Variants in IL1RAP observed in about 807,000 individuals in gnomAD.
IL1RAP encodes the protein interleukin-1 receptor accessory protein.
Under a neutral mutation model 60.7 loss-of-function variants are expected in IL1RAP, and 35 were observed. The observed-to-expected ratio is 0.58, with a 90% CI of 0.44 to 0.76. The LOEUF (loss-of-function observed/expected upper bound fraction) is 0.76, where lower values mean the gene tolerates loss of function less well. Among genes scored for constraint, IL1RAP ranks in the 30% least tolerant of loss-of-function variants. The pLI is 0.00. For synonymous variants in IL1RAP, 268 were observed against 250.9 expected (o/e 1.07, Z -0.64); for missense variants, 572 against 693.9 (o/e 0.82, Z 1.97).
chr3:190,586,229 G>T (rs1728446738), intron 3 of IL1RAP, among the ~76,000 whole-genome samples: 1 of 152,162 alleles, frequency 6.6e-6, no homozygotes, highest in Admixed American at 6.5e-5. Flanking sequence ...TGTTGTGGTT[G>T]TTTGCCTGAC....
chr3:190,579,444 G>C (rs2108674615), intron 3 of IL1RAP, among the ~76,000 whole-genome samples: 1 of 152,194 alleles, frequency 6.6e-6, no homozygotes, highest in South Asian at 2.1e-4. Context: ...GGAAATAGAG[G>C]CCCGGAGAGA....
intron 5 of IL1RAP, among the ~76,000 whole-genome samples, chr3:190,613,945 C>T (rs1309871899): frequency 3.9e-5 from 6 of 152,010 alleles, no homozygotes; most frequent in Admixed American, 3.3e-4. Context: ...TCAACTGACA[C>T]CTTTAATCCT....
In IL1RAP at chr3:190,627,336, C is replaced by A; in HGVS notation, c.789C>A (p.Leu263=). 6.3e-7 allele frequency: 1 copy of A among 1,598,588 alleles called. No individual in the cohort carries two copies. Among genetic ancestry groups the A allele is most frequent in the South Asian group, 1.1e-5 (1 of 88,506 alleles). ...TTTTTTTTTCAGGAGAGGAGCTACT[C>A]ATTCCCTGTACGGTCTATTTTAGTT... ...VYEKEPGEEL[L]IPCTVYFSFL... Residue 263 remains leucine (L), a synonymous_variant, in exon 8 of 12, where the codon CTC becomes CTA. Coordinates refer to ENST00000447382, the MANE Select transcript of IL1RAP (RefSeq NM_002182.4).
intron 1 of IL1RAP, among the ~76,000 whole-genome samples, chr3:190,519,557 G>A (rs1298147005): frequency 6.6e-6 from 1 of 151,878 alleles, no homozygotes; most frequent in Non-Finnish European, 1.5e-5. Flanking sequence ...ACCACACCAT[G>A]AAATTTGGAA....
intron 3 of IL1RAP, among the ~76,000 whole-genome samples, chr3:190,599,653 G>GT (rs922872939): frequency 2.9e-4 from 41 of 139,602 alleles, no homozygotes; most frequent in African/African-American, 8.9e-4. Flanking sequence ...CTCAGATTTT[G>GT]TTTTTTTTCT....
At position 190,649,963 on chromosome 3, in the gene IL1RAP, A is replaced by T. The variant is rs1560246993; in HGVS notation, c.*1258A>T. 2 of 730,568 alleles carry T rather than the reference A, an allele frequency of 2.7e-6. No homozygotes were observed. Among genetic ancestry groups the T allele is most frequent in the Non-Finnish European group, 3.3e-6 (2 of 597,772 alleles). 45.3% of individuals were successfully genotyped at this position (730,568 alleles called of 1,614,324 possible). A position where few individuals can be genotyped will look rare whatever the true frequency, so the allele number is the denominator to read the frequency against. ...ATATATATACACACGTGTATATGAG[A>T]TATATATCTTATATCTCCACAAACA... is the stretch of plus-strand genomic sequence containing the variant. On this transcript the variant is annotated 3_prime_UTR_variant, in exon 12 of 12. Transcript: ENST00000447382.
rs1560211261 is a variant in IL1RAP at position 190,610,277 on chromosome 3, G to GA, written c.537+1102dup. Among the ~76,000 whole-genome samples the GA allele has an allele frequency of 2.6e-5, 4 of 151,978 alleles. No individual in the cohort carries two copies. The South Asian group carries it at 6.2e-4, about 24-fold the overall frequency. On this transcript the variant is annotated intron_variant, in intron 5 of 11. Coordinates refer to ENST00000447382, the MANE Select transcript of IL1RAP (RefSeq NM_002182.4). ...AAATCCTTTTCTATTTTAAAATTCA[G>GA]AAAAAACTACTATTTCCTAAGTGAG...
chr3:190,524,581 T>A (rs147620104), intron 1 of IL1RAP, among the ~76,000 whole-genome samples: 109 of 152,312 alleles, frequency 7.2e-4, no homozygotes, highest in African/African-American at 2.5e-3. Flanking sequence ...ATTTATTGAA[T>A]AGGAAATCCT....
chr3:190,640,017 T>C (rs1370697145), intron 9 of IL1RAP, among the ~76,000 whole-genome samples: 3 of 152,180 alleles, frequency 2.0e-5, no homozygotes, highest in Non-Finnish European at 4.4e-5. Flanking sequence ...CCCCCAAATA[T>C]GTGTAGCTTT....
intron 4 of IL1RAP, among the ~76,000 whole-genome samples, chr3:190,604,970 A>T (rs544502810): frequency 1.3e-5 from 2 of 152,310 alleles, no homozygotes; most frequent in Admixed American, 6.5e-5. Flanking sequence ...GACACTGCAC[A>T]TCTAGCCCCC....
At chr3:190,623,715 G>C (rs975018645) in intron 7 of IL1RAP, among the ~76,000 whole-genome samples, 4 of 152,180 alleles carry the variant, frequency 2.6e-5, no homozygotes, top group African/African-American at 7.2e-5. Flanking sequence ...GCTTTGGTTT[G>C]CCAAGGCTGC....
Position 190,514,580 on chromosome 3 carries a change from C to G in IL1RAP, c.-89+361C>G, listed in dbSNP as rs556682771. 1.1e-4 allele frequency among the ~76,000 whole-genome samples: 16 copies of G among 151,634 alleles called. No homozygotes were observed. The South Asian group carries it at 3.4e-3, about 32-fold the overall frequency. On this transcript the variant is annotated intron_variant, in intron 1 of 11. Coordinates refer to ENST00000447382, the MANE Select transcript of IL1RAP (RefSeq NM_002182.4). ...CATCTCCTCCTTGGTTTCTCCAGAC[C>G]GCTGCTGGAAGCGCCGAGGACAGAA...
intron 3 of IL1RAP, among the ~76,000 whole-genome samples, chr3:190,582,860 A>C (rs900732069): frequency 6.6e-6 from 1 of 152,132 alleles, no homozygotes; most frequent in Non-Finnish European, 1.5e-5. Context: ...CAGCTTCTTC[A>C]TATTCCACTG....
chr3:190,601,124 A>G (rs1729824605), intron 3 of IL1RAP, among the ~76,000 whole-genome samples: 1 of 152,106 alleles, frequency 6.6e-6, no homozygotes, highest in African/African-American at 2.4e-5. Flanking sequence ...AGCTGGAATT[A>G]CAGGCCTCTG....
rs533752329 is a variant in IL1RAP at position 190,644,379 on chromosome 3, A to C, written c.1183A>C (p.Thr395Pro). 5.0e-6 allele frequency: 8 copies of C among 1,613,828 alleles called. No homozygotes were observed. The South Asian group carries it at 8.8e-5, about 18-fold the overall frequency. The change falls in exon 10 of 12, where the codon ACA (threonine) becomes CCA (proline). Residue 395 changes from threonine (T) to proline (P), a missense_variant. Coordinates refer to ENST00000447382, the MANE Select transcript of IL1RAP (RefSeq NM_002182.4). ...CCTATTTTACCGGGCTCATTTTGGA[A>C]CAGATGAAACCATTTTAGGTAAGTA... ...MVLFYRAHFG[T>P]DETILDGKEY...
At chr3:190,643,383 G>A (rs1733796006) in intron 9 of IL1RAP, among the ~76,000 whole-genome samples, 1 of 152,148 alleles carries the variant, frequency 6.6e-6, no homozygotes, top group African/African-American at 2.4e-5. Flanking sequence ...AAAAGCAATG[G>A]TAAATGAGAA....
chr3:190,608,917 A>G (rs568525473), intron 4 of IL1RAP, 78 bp from the exon 5 acceptor site: 1 of 1,115,450 alleles, frequency 9.0e-7, no homozygotes, highest in Non-Finnish European at 1.3e-6. Flanking sequence ...GCCTGGCTTC[A>G]CTTAGTTCAT....
chr3:190,518,617 A>G (rs78003517), intron 1 of IL1RAP: 4,286 of 152,678 alleles, frequency 0.028, 101 homozygotes, highest in Admixed American at 0.059. Context: ...AAAGAGGTTC[A>G]TTGGACTTAT....
At position 190,651,173 on chromosome 3, in the gene IL1RAP, A is replaced by G. The variant is rs13099809; in HGVS notation, c.*2468A>G. The G allele has an allele frequency of 5.1e-6, 5 of 975,034 alleles. No homozygotes were observed. Among genetic ancestry groups the G allele is most frequent in the Non-Finnish European group, 6.1e-6 (5 of 825,512 alleles). 60.4% of individuals were successfully genotyped at this position (975,034 alleles called of 1,614,324 possible). A position where few individuals can be genotyped will look rare whatever the true frequency, so the allele number is the denominator to read the frequency against. ...AACAAACCATGTCTCAAATTTTTTT[A>G]AAAAAAATTAATGGTTTTAAATATA... On this transcript the variant is annotated 3_prime_UTR_variant, in exon 12 of 12. Coordinates refer to ENST00000447382, the MANE Select transcript of IL1RAP (RefSeq NM_002182.4).
Sources: allele counts gnomAD v4.1 joint callset (sites outside exome capture counted in the v4.1 genomes callset), GRCh38; gene constraint gnomAD v4.1.1; transcripts MANE v1.5; gene names NCBI Gene and HGNC (gene_info 2026-07-23, HGNC 2026-07-21).